The following KNTC1 variants were observed in gnomAD, a reference collection of about 807,000 sequenced individuals.
The protein encoded by KNTC1 is kinetochore associated 1, also known as kinetochore-associated protein 1.
KNTC1 carries 253 observed loss-of-function variants against 314.4 expected under a neutral mutation model. The observed-to-expected ratio is 0.80, with a 90% CI of 0.73 to 0.89. The LOEUF (loss-of-function observed/expected upper bound fraction) is 0.89. Among genes scored for constraint, KNTC1 ranks in the 40% least tolerant of loss-of-function variants. The pLI is 0.00. For missense variants in KNTC1, 2,475 were observed against 2,572.9 expected (o/e 0.96, Z 0.82); for synonymous variants, 901 against 901.4 (o/e 1.00, Z 0.01).
intron 52 of KNTC1, 111 bp from the exon 53 acceptor site, chr12:122,610,711 A>G: frequency 1.5e-6 from 1 of 673,252 alleles, no homozygotes. Context: ...TATCCTTCTG[A>G]TCTGCCTTTG....
intron 44 of KNTC1, among the ~76,000 whole-genome samples, chr12:122,600,043 G>C (rs1871635234): frequency 6.6e-6 from 1 of 151,740 alleles, no homozygotes. Context: ...AAAAAGTAAT[G>C]GTGTGTGGGT....
chr12:122,532,634 TTCTA>T (rs1243996671), intron 2 of KNTC1, among the ~76,000 whole-genome samples: 2 of 152,188 alleles, frequency 1.3e-5, no homozygotes, highest in Non-Finnish European at 2.9e-5. Context: ...GGAACTAAAA[TTCTA>T]TCTATTATTA....
At chr12:122,579,846 C>T in intron 31 of KNTC1, 59 bp from the exon 32 acceptor site, 2 of 1,137,590 alleles carry the variant, frequency 1.8e-6, no homozygotes, top group Non-Finnish European at 2.6e-6. Context: ...TGTATATGTA[C>T]TACTGAAGTG....
intron 57 of KNTC1, among the ~76,000 whole-genome samples, chr12:122,616,722 C>CT (rs1326370627): frequency 1.3e-5 from 2 of 152,104 alleles, no homozygotes; most frequent in Non-Finnish European, 2.9e-5. Context: ...GTAGATCTAT[C>CT]TAATTGTTTT....
At chr12:122,544,636 T>C (rs998986904) in intron 8 of KNTC1, among the ~76,000 whole-genome samples, 12 of 152,322 alleles carry the variant, frequency 7.9e-5, no homozygotes, top group Non-Finnish European at 1.6e-4. Context: ...TACTTCAAAA[T>C]TATGGTCATC....
At chr12:122,548,002 A>G (rs1420640009) in intron 12 of KNTC1, 33 bp downstream of exon 12, 2 of 1,380,902 alleles carry the variant, frequency 1.4e-6, no homozygotes, top group Non-Finnish European at 2.0e-6. Context: ...GCTTGCCTAT[A>G]TTATGTGTTA....
At position 122,578,655 on chromosome 12, in the gene KNTC1, A is replaced by G. The variant is rs150561159; in HGVS notation, c.2841+864A>G. 3.7e-4 allele frequency among the ~76,000 whole-genome samples: 57 copies of G among 152,172 alleles called. 1 individual carries two copies. In the East Asian group the frequency reaches 0.011, roughly 29 times the overall value. ...GGCTGGTCTCAAACTCCTGACGCCAACTGATCTGCCTGCCTCGGCCTTCCA... is the reference window on the plus strand; with the variant it reads ...GGCTGGTCTCAAACTCCTGACGCCAGCTGATCTGCCTGCCTCGGCCTTCCA... On this transcript the variant is annotated intron_variant, in intron 31 of 63. Transcript: ENST00000333479.
chr12:122,539,277 T>C (rs1962093583), intron 4 of KNTC1, among the ~76,000 whole-genome samples: 1 of 152,180 alleles, frequency 6.6e-6, no homozygotes, highest in Non-Finnish European at 1.5e-5. Context: ...GGGTCTTGGT[T>C]ACCATGTCTC....
rs778814439 is a variant in KNTC1, at chr12:122,584,879, C to T, written c.3437-14C>T. ...GAAATATGAGTTTAATGATTTTTCTCCATTTTGTTTCAGATTTTTTACTAG... is the reference window on the plus strand; with the variant it reads ...GAAATATGAGTTTAATGATTTTTCTTCATTTTGTTTCAGATTTTTTACTAG... On this transcript the variant is annotated splice_polypyrimidine_tract_variant and intron_variant, in intron 35 of 63. Coordinates refer to ENST00000333479, the MANE Select transcript of KNTC1 (RefSeq NM_014708.6). The T allele has an allele frequency of 7.9e-7, 1 of 1,272,422 alleles. No homozygotes were observed. The highest frequency in any genetic ancestry group is 1.8e-5 in the Admixed American group (1 of 54,988). The allele number at this position is 1,272,422 out of a possible 1,614,324, so 78.8% of individuals were successfully genotyped here. A position where few individuals can be genotyped will look rare whatever the true frequency, so the allele number is the denominator to read the frequency against.
intron 2 of KNTC1, among the ~76,000 whole-genome samples, chr12:122,531,984 C>T (rs1308369675): frequency 1.3e-5 from 2 of 150,684 alleles, no homozygotes; most frequent in African/African-American, 2.4e-5. Flanking sequence ...CCGCCCGGCT[C>T]GGCCTCCCAA....
At position 122,575,918 on chromosome 12, in the gene KNTC1, G is replaced by T; in HGVS notation, c.2586+19G>T. 6.3e-7 allele frequency: 1 copy of T among 1,581,114 alleles called. No homozygotes were observed. The highest frequency in any genetic ancestry group is 1.2e-5 in the South Asian group (1 of 84,866). ...AATAATGGTAAGTACACTCTTCGAA[G>T]AGTCTTTTTTCTCTTTCATTTCTGG... On this transcript the variant is annotated intron_variant, in intron 29 of 63. Transcript: ENST00000333479.
chr12:122,539,705 T>C lies in KNTC1; in HGVS notation c.396T>C (p.Asn132=). The C allele has an allele frequency of 1.9e-6, 3 of 1,582,888 alleles. No individual in the cohort carries two copies. The highest frequency in any genetic ancestry group is 2.6e-6 in the Non-Finnish European group (3 of 1,163,730). The part of the protein sequence containing the change: ...NAFVQKANDE[N]RRTYQNLVIE... ...TTGTTCAGAAAGCTAACGATGAAAA[T>C]CGGCGGACTTACCAGAATCTTGTCA... Residue 132 remains asparagine (N), a synonymous_variant, in exon 5 of 64, where the codon AAT becomes AAC. Transcript: ENST00000333479.
chr12:122,536,128 C>A (rs1330788032), intron 3 of KNTC1, among the ~76,000 whole-genome samples: 2 of 150,862 alleles, frequency 1.3e-5, no homozygotes, highest in African/African-American at 2.4e-5. Flanking sequence ...TGGTCTCGAT[C>A]TCCTGACCTT....
rs370829721 is a variant in KNTC1, at chr12:122,587,885, A to G, written c.3894+11A>G. The G allele has an allele frequency of 3.3e-5, 53 of 1,607,788 alleles. No homozygotes were observed. In the African/African-American group the frequency reaches 5.0e-4, roughly 15 times the overall value. On this transcript the variant is annotated intron_variant, in intron 39 of 63. Transcript: ENST00000333479. ...ACTTTGAGTGAAAAGGTATAGTGTC[A>G]AGAACAAATACTTTGACTTGGGGTG...
intron 8 of KNTC1, 78 bp from the exon 9 acceptor site, chr12:122,546,098 C>T: frequency 1.2e-6 from 1 of 815,524 alleles, no homozygotes. Flanking sequence ...ACCTATAAAA[C>T]TTACATGTTT....
chr12:122,610,887 C>T lies in KNTC1; in HGVS notation c.5609C>T (p.Thr1870Ile). 6.2e-7 allele frequency: 1 copy of T among 1,610,484 alleles called. No homozygotes were observed. The highest frequency in any genetic ancestry group is 1.1e-5 in the South Asian group (1 of 90,988). The change falls in exon 53 of 64, where the codon ACA becomes ATA. Residue 1870 changes from threonine to isoleucine, a missense_variant. Coordinates refer to ENST00000333479, the MANE Select transcript of KNTC1 (RefSeq NM_014708.6). ...YSSRMLFVFA[T>I]STTTTLGMHQ... ...TCAAGAATGCTGTTTGTATTTGCAA[C>T]ATCAACTACAACCGTAAGCTCTAGA...
At chr12:122,564,380 TAGTC>T (rs2090629478) in intron 20 of KNTC1, among the ~76,000 whole-genome samples, 2 of 152,248 alleles carry the variant, frequency 1.3e-5, no homozygotes, top group South Asian at 4.1e-4. Context: ...GTTTAATTCT[TAGTC>T]ATTGCTATAA....
Position 122,610,813 on chromosome 12 carries a change from T to A in KNTC1, c.5544-9T>A, listed in dbSNP as rs1371532896. ...TAAAAAATGACTGTAATTAAAATTT[T>A]TTTTCCAGAGTGCAGTATCTCCTCC... On this transcript the variant is annotated splice_polypyrimidine_tract_variant and intron_variant, in intron 52 of 63. Transcript: ENST00000333479. The A allele has an allele frequency of 6.3e-7, 1 of 1,598,146 alleles. No individual in the cohort carries two copies. Among genetic ancestry groups the A allele is most frequent in the Non-Finnish European group, 8.6e-7 (1 of 1,168,332 alleles).
At chr12:122,579,873 G>T (rs376707056) in intron 31 of KNTC1, 32 bp from the exon 32 acceptor site, 101 of 1,493,248 alleles carry the variant, frequency 6.8e-5, no homozygotes, top group Non-Finnish European at 9.0e-5. Flanking sequence ...AAAGGAAGTA[G>T]ATTTTATTTC....
Sources: gnomAD v4.1 joint callset for allele counts (sites outside exome capture counted in the v4.1 genomes callset) on GRCh38, gnomAD v4.1.1 for gene constraint, MANE v1.5 for transcripts, NCBI Gene and HGNC (gene_info 2026-07-23, HGNC 2026-07-21) for gene names.